Variants in MTF2 observed in about 807,000 individuals in gnomAD.
MTF2 encodes metal response element binding transcription factor 2.
Under a neutral mutation model 79.5 loss-of-function variants are expected in MTF2, and 11 were observed. That is an observed-to-expected ratio of 0.14 (90% CI 0.09 to 0.23). The LOEUF is 0.23. Ranked by LOEUF, MTF2 falls within the 10% of genes least tolerant of loss-of-function variation. MTF2 has a pLI of 1.00. For missense variants in MTF2, 486 were observed against 711.2 expected, an observed-to-expected ratio of 0.68 and a Z score of 3.60; for synonymous variants, 208 against 232.8, an observed-to-expected ratio of 0.89 and a Z score of 0.97.
intron 1 of MTF2, among the ~76,000 whole-genome samples, chr1:93,107,776 CTCTTT>C (rs1209166465): frequency 2.0e-5 from 3 of 150,516 alleles, no homozygotes; most frequent in Non-Finnish European, 3.0e-5. Context: ...TTCCATTTTT[CTCTTT>C]TCTTTTCTTC....
At chr1:93,127,401 T>C in intron 10 of MTF2, 102 bp downstream of exon 10, 1 of 733,684 alleles carries the variant, frequency 1.4e-6, no homozygotes, top group South Asian at 1.7e-5. Flanking sequence ...ACAGAAGAAG[T>C]CTATACCATT....
intron 1 of MTF2, among the ~76,000 whole-genome samples, chr1:93,088,727 G>C (rs940227884): frequency 6.6e-6 from 1 of 152,054 alleles, no homozygotes; most frequent in Non-Finnish European, 1.5e-5. Context: ...CAACGTGCCT[G>C]GCTAATTTTT....
At chr1:93,087,429 A>T (rs1654891675) in intron 1 of MTF2, among the ~76,000 whole-genome samples, 1 of 152,144 alleles carries the variant, frequency 6.6e-6, no homozygotes, top group Non-Finnish European at 1.5e-5. Context: ...AAAATTAGCC[A>T]GGCGTGGTGG....
intron 9 of MTF2, chr1:93,121,116 T>C (rs1656459167): frequency 4.1e-6 from 4 of 982,458 alleles, no homozygotes; most frequent in Non-Finnish European, 4.8e-6. Context: ...TCTAATAATA[T>C]TGTTAGAAAA....
At chr1:93,086,363 A>G (rs375633070) in intron 1 of MTF2, among the ~76,000 whole-genome samples, 464 of 152,088 alleles carry the variant, frequency 3.1e-3, no homozygotes, top group Non-Finnish European at 5.4e-3. Context: ...AAATTTAGCC[A>G]GGTGTGGTGG....
intron 1 of MTF2, chr1:93,080,941 AT>A (rs1654578213): frequency 6.6e-6 from 1 of 152,178 alleles, no homozygotes; most frequent in Non-Finnish European, 1.5e-5. Flanking sequence ...TTGAGAGGGA[AT>A]ACAAAATGAC....
At chr1:93,096,869 G>T (rs1468743657) in intron 1 of MTF2, among the ~76,000 whole-genome samples, 5 of 143,582 alleles carry the variant, frequency 3.5e-5, no homozygotes, top group African/African-American at 7.8e-5. Context: ...AGAGTGCAGT[G>T]GTGTGATCAT....
chr1:93,116,767 G>A (rs986134564), intron 6 of MTF2, among the ~76,000 whole-genome samples: 2 of 152,080 alleles, frequency 1.3e-5, no homozygotes, highest in Non-Finnish European at 2.9e-5. Flanking sequence ...CTCCCAAAGT[G>A]CTGGAAATAC....
intron 9 of MTF2, among the ~76,000 whole-genome samples, chr1:93,123,156 A>G (rs1656550314): frequency 6.7e-6 from 1 of 148,410 alleles, no homozygotes; most frequent in Non-Finnish European, 1.5e-5. Flanking sequence ...TAATGTTTAT[A>G]TTTTATAATT....
At chr1:93,082,428 A>C (rs1164679511) in intron 1 of MTF2, among the ~76,000 whole-genome samples, 1 of 151,946 alleles carries the variant, frequency 6.6e-6, no homozygotes, top group Non-Finnish European at 1.5e-5. Flanking sequence ...CTACAGGTGC[A>C]CACCACCACA....
chr1:93,120,937 G>T, intron 9 of MTF2: 1 of 1,140,062 alleles, frequency 8.8e-7, no homozygotes, highest in Non-Finnish European at 1.1e-6. Context: ...GAAAGTCATT[G>T]TAGTTAAAGA....
At position 93,114,967 on chromosome 1, in the gene MTF2, TA is replaced by T. The variant is rs781249766; in HGVS notation, c.383-20del. 1 of 1,533,580 alleles carries T rather than the reference TA, an allele frequency of 6.5e-7. No individual in the cohort carries two copies. Among genetic ancestry groups the T allele is most frequent in the Non-Finnish European group, 9.0e-7 (1 of 1,116,982 alleles). The allele number at this position is 1,533,580 out of a possible 1,614,324, so 95.0% of individuals were successfully genotyped here. A position where few individuals can be genotyped will look rare whatever the true frequency, so the allele number is the denominator to read the frequency against. ...AGTATTAATGAAACCGAATTTGCTT[TA>T]TGCTTTTTTTGATATTAAGGATATC... is the stretch of plus-strand genomic sequence containing the variant. On this transcript the variant is annotated intron_variant, in intron 4 of 14. Coordinates refer to ENST00000370298, the MANE Select transcript of MTF2 (RefSeq NM_007358.4).
intron 14 of MTF2, 175 bp downstream of exon 14, chr1:93,134,370 A>G: frequency 1.8e-6 from 1 of 569,656 alleles, no homozygotes; most frequent in Non-Finnish European, 3.1e-6. Flanking sequence ...CATTTGAAAT[A>G]TTTTTGCTTT....
intron 1 of MTF2, among the ~76,000 whole-genome samples, chr1:93,108,846 G>A (rs879443543): frequency 6.6e-5 from 10 of 152,018 alleles, no homozygotes; most frequent in East Asian, 1.9e-4. Context: ...CTTCCTAGCC[G>A]TTGGCCGCCA....
chr1:93,127,500 G>GGAA (rs536747698), intron 10 of MTF2, among the ~76,000 whole-genome samples: 1 of 152,112 alleles, frequency 6.6e-6, no homozygotes, highest in Non-Finnish European at 1.5e-5. Flanking sequence ...CCTTCTCCTG[G>GGAA]GAATGGTGGG....
intron 1 of MTF2, among the ~76,000 whole-genome samples, chr1:93,090,433 G>C (rs543010469): frequency 1.3e-5 from 2 of 149,910 alleles, no homozygotes; most frequent in East Asian, 3.9e-4. Flanking sequence ...TTTTAGTAGA[G>C]ATGGGGGTTT....
At chr1:93,128,555 CA>C (rs5776171) in intron 10 of MTF2, among the ~76,000 whole-genome samples, 4,752 of 113,544 alleles carry the variant, frequency 0.042, 92 homozygotes, top group Non-Finnish European at 0.052. Context: ...GACTCTGTCT[CA>C]AAAAAAAAAA....
chr1:93,082,751 G>C (rs1482364262), intron 1 of MTF2, among the ~76,000 whole-genome samples: 1 of 152,078 alleles, frequency 6.6e-6, no homozygotes, highest in Non-Finnish European at 1.5e-5. Flanking sequence ...ACAGTTCAGT[G>C]ATTTTTTTTA....
Position 93,137,023 on chromosome 1 carries a change from C to G in MTF2, c.1778C>G (p.Ser593Cys). The change falls in exon 15 of 15, where the codon TCC (serine) becomes TGC (cysteine). Residue 593 changes from serine (S) to cysteine (C), a missense_variant. This residue lies in a region of MTF2 where 25 missense variants were observed against 56.8 expected (regional missense o/e 0.44). Coordinates refer to ENST00000370298, the MANE Select transcript of MTF2 (RefSeq NM_007358.4). ...YLVEWEGATA[S>C] ...GTGGAATGGGAAGGAGCAACTGCAT[C>G]CTGACTGTAGGACTGAACATTATGT... is the stretch of plus-strand genomic sequence containing the variant. The G allele has an allele frequency of 6.2e-7, 1 of 1,612,458 alleles. No homozygotes were observed. The highest frequency in any genetic ancestry group is 8.5e-7 in the Non-Finnish European group (1 of 1,179,004).
Sources: allele counts gnomAD v4.1 joint callset (sites outside exome capture counted in the v4.1 genomes callset), GRCh38; gene constraint gnomAD v4.1.1; regional missense constraint gnomAD v4.1.1; transcripts MANE v1.5; gene names NCBI Gene and HGNC (gene_info 2026-07-23, HGNC 2026-07-21).